DYNC2LI1: variants seen among roughly 807,000 people sequenced by gnomAD.
DYNC2LI1 encodes the protein dynein cytoplasmic 2 light intermediate chain 1.
Under a neutral mutation model 51.9 loss-of-function variants are expected in DYNC2LI1, and 45 were observed. That is an observed-to-expected ratio of 0.87 (90% CI 0.68 to 1.11). The LOEUF (loss-of-function observed/expected upper bound fraction) is 1.11, where lower values mean the gene tolerates loss of function less well. Among genes scored for constraint, DYNC2LI1 ranks in the 50% most tolerant of loss-of-function variants. The pLI is 0.00. For synonymous variants in DYNC2LI1, 130 were observed against 137.8 expected, an observed-to-expected ratio of 0.94 and a Z score of 0.40; for missense variants, 490 against 417.4, an observed-to-expected ratio of 1.17 and a Z score of -1.51.
chr2:43,802,411 G>A (rs1397181755), intron 10 of DYNC2LI1, among the ~76,000 whole-genome samples: 2 of 147,256 alleles, frequency 1.4e-5, no homozygotes, highest in African/African-American at 5.0e-5. Flanking sequence ...TCCTCTGTTA[G>A]TCTTACAAGC....
At chr2:43,823,061 G>A in the DYNC2LI1 span, 1 of 1,309,908 alleles carries the variant, frequency 7.6e-7, no homozygotes, top group Non-Finnish European at 1.1e-6. Context: ...GGGTTCCCTA[G>A]TCATAGAAGG....
rs536977133 is a variant in DYNC2LI1, at chr2:43,807,743, C to CAAA, written c.994-1934_994-1932dup. ...TTCTTTTCTATTATTTTTGTTAAAG[C>CAAA]AAAAAAAAAAAAAAAAAAAAAAAAA... On this transcript the variant is annotated intron_variant, in intron 12 of 12. Transcript: ENST00000260605. Among the ~76,000 whole-genome samples the CAAA allele has an allele frequency of 1.1e-3, 47 of 41,618 alleles. 1 individual carries two copies. Among genetic ancestry groups the CAAA allele is most frequent in the South Asian group, 3.2e-3 (2 of 630 alleles). The allele number at this position is 41,618 out of a possible 152,430, so 27.3% of individuals were successfully genotyped here.
chr2:43,778,023 T>G (rs1212059904), intron 2 of DYNC2LI1, among the ~76,000 whole-genome samples: 1 of 152,240 alleles, frequency 6.6e-6, no homozygotes, highest in Non-Finnish European at 1.5e-5. Context: ...TTTATTTTGT[T>G]TTTAATTTTT....
the DYNC2LI1 span, chr2:43,823,786 GA>G: frequency 1.8e-6 from 2 of 1,095,220 alleles, no homozygotes; most frequent in South Asian, 3.3e-5. Context: ...CCCAGAGAGG[GA>G]ACCTGGAGAG....
At chr2:43,803,549 C>A (rs958123726) in intron 10 of DYNC2LI1, among the ~76,000 whole-genome samples, 2 of 151,930 alleles carry the variant, frequency 1.3e-5, no homozygotes, top group Admixed American at 1.3e-4. Context: ...GGGGAGGGGT[C>A]GGGAAGGAGG....
chr2:43,826,406 G>T, the DYNC2LI1 span: 1 of 1,613,954 alleles, frequency 6.2e-7, no homozygotes, highest in Non-Finnish European at 8.5e-7. Context: ...AACGGGGCTG[G>T]TGAATGGTGA....
intron 12 of DYNC2LI1, 70 bp downstream of exon 12, chr2:43,805,316 C>G: frequency 1.1e-6 from 1 of 941,234 alleles, no homozygotes; most frequent in Non-Finnish European, 1.7e-6. Context: ...CTTGGGAATT[C>G]CTTACATTTT....
At chr2:43,823,234 G>A in the DYNC2LI1 span, among the ~76,000 whole-genome samples, 1 of 152,110 alleles carries the variant, frequency 6.6e-6, no homozygotes, top group Non-Finnish European at 1.5e-5. Context: ...ATGAATAAGT[G>A]ATTTGAAGCA....
At position 43,803,983 on chromosome 2, in the gene DYNC2LI1, C is replaced by T. The variant is rs549579277; in HGVS notation, c.803-659C>T. Among the ~76,000 whole-genome samples the T allele has an allele frequency of 2.6e-5, 4 of 152,254 alleles. No individual in the cohort carries two copies. In the East Asian group the frequency reaches 5.8e-4, roughly 22 times the overall value. On this transcript the variant is annotated intron_variant, in intron 10 of 12. Transcript: ENST00000260605. ...AGCAAATTTGTGTTCTTTCCAATTTCCTATGCCTTTACACACATGTGTATA... is the reference window on the plus strand; with the variant it reads ...AGCAAATTTGTGTTCTTTCCAATTTTCTATGCCTTTACACACATGTGTATA...
rs1405851376 is a variant in DYNC2LI1 at position 43,794,625 on chromosome 2, T to C, written c.489T>C (p.Asn163=). The C allele has an allele frequency of 6.2e-7, 1 of 1,614,088 alleles. No homozygotes were observed. ...AAATGAGACAGAAGATCTGGAATAA[T>C]ATGCCGAAGGATCATCCTGTGAGTT... ...VSEMRQKIWN[N]MPKDHPDHEL... The change falls in exon 6 of 13, where the codon AAT becomes AAC. Residue 163 remains asparagine (N), a synonymous_variant. Transcript: ENST00000260605.
chr2:43,780,489 T>G (rs1453068971), intron 2 of DYNC2LI1, among the ~76,000 whole-genome samples: 1 of 152,116 alleles, frequency 6.6e-6, no homozygotes, highest in Non-Finnish European at 1.5e-5. Context: ...GTAGAGTAGT[T>G]GTTTATAGGT....
chr2:43,826,552 G>A, the DYNC2LI1 span: 9 of 1,614,074 alleles, frequency 5.6e-6, no homozygotes, highest in African/African-American at 1.1e-4. Context: ...GACTTCTAAG[G>A]TAGTGCAGAG....
chr2:43,819,443 G>A, the DYNC2LI1 span, among the ~76,000 whole-genome samples: 1 of 150,504 alleles, frequency 6.6e-6, no homozygotes, highest in Non-Finnish European at 1.5e-5. Context: ...TATCCTTTAA[G>A]CCTTGATACT....
chr2:43,812,335 G>A (rs545306481), downstream of DYNC2LI1: 7 of 86,052 alleles, frequency 8.1e-5, no homozygotes, highest in East Asian at 2.2e-4. Context: ...TTTTTTTTTC[G>A]GTAGGTTTTT....
At chr2:43,785,815 AG>A (rs1673500733) in intron 3 of DYNC2LI1, among the ~76,000 whole-genome samples, 1 of 152,114 alleles carries the variant, frequency 6.6e-6, no homozygotes, top group African/African-American at 2.4e-5. Flanking sequence ...ACCAAGGACT[AG>A]GGGGAAGGGA....
downstream of DYNC2LI1, chr2:43,813,254 A>T: frequency 6.2e-7 from 1 of 1,614,042 alleles, no homozygotes; most frequent in South Asian, 1.1e-5. Context: ...CAATGAATTG[A>T]ATTCCTTGAG....
intron 2 of DYNC2LI1, among the ~76,000 whole-genome samples, chr2:43,780,527 T>C (rs1247249008): frequency 6.6e-6 from 1 of 152,068 alleles, no homozygotes; most frequent in Non-Finnish European, 1.5e-5. Context: ...AGGACCCTAA[T>C]GTATGTAGGG....
the DYNC2LI1 span, among the ~76,000 whole-genome samples, chr2:43,819,028 C>T: frequency 4.6e-5 from 7 of 152,168 alleles, no homozygotes; most frequent in African/African-American, 1.7e-4. Context: ...GTCTGAGCTT[C>T]ATTTTCTTAT....
At chr2:43,818,450 A>C in the DYNC2LI1 span, among the ~76,000 whole-genome samples, 1 of 151,992 alleles carries the variant, frequency 6.6e-6, no homozygotes, top group African/African-American at 2.4e-5. Context: ...TTTCAAAAAA[A>C]CAAAAACAAA....
Sources: allele counts gnomAD v4.1 joint callset (sites outside exome capture counted in the v4.1 genomes callset), GRCh38; gene constraint gnomAD v4.1.1; transcripts MANE v1.5; gene names NCBI Gene and HGNC (gene_info 2026-07-23, HGNC 2026-07-21).